The following ZNF385D variants were observed in gnomAD, a reference collection of about 807,000 sequenced individuals.
The protein encoded by ZNF385D is zinc finger protein 659.
A neutral mutation model predicts 35.8 loss-of-function variants in ZNF385D; 15 were observed. The ratio of observed to expected loss-of-function variants is 0.42; its 90% CI spans 0.28 to 0.64. ZNF385D has a LOEUF of 0.64. Ranked by LOEUF, ZNF385D falls within the 30% of genes least tolerant of loss-of-function variation. The pLI, the probability that ZNF385D is intolerant of heterozygous loss-of-function variation, is 0.23. For synonymous variants in ZNF385D, 212 were observed against 186.8 expected (o/e 1.13, Z -1.10); for missense variants, 474 against 494.6 (o/e 0.96, Z 0.39).
chr3:21,823,364 T>A (rs1315673473), intron 3 of ZNF385D, among the ~76,000 whole-genome samples: 2 of 152,172 alleles, frequency 1.3e-5, no homozygotes, highest in Non-Finnish European at 2.9e-5. Flanking sequence ...GTTATTTGTA[T>A]CCTAAACACT....
chr3:21,719,464 T>C (rs1027136431), intron 1 of ZNF385D, among the ~76,000 whole-genome samples: 2 of 152,190 alleles, frequency 1.3e-5, no homozygotes, highest in East Asian at 1.9e-4. Flanking sequence ...GTATCTCCAG[T>C]AGGGAATTTC....
intron 3 of ZNF385D, among the ~76,000 whole-genome samples, chr3:22,158,541 C>G (rs113714710): frequency 0.012 from 1,820 of 152,098 alleles, 16 homozygotes; most frequent in Middle Eastern, 0.02. Flanking sequence ...ATTTTGGAAG[C>G]AAGGAAAGAG....
intron 1 of ZNF385D, among the ~76,000 whole-genome samples, chr3:21,740,738 C>T (rs1298175597): frequency 1.3e-5 from 2 of 152,140 alleles, no homozygotes; most frequent in South Asian, 4.1e-4. Context: ...CCAACTGCTG[C>T]CTAGGTGACC....
intron 4 of ZNF385D, among the ~76,000 whole-genome samples, chr3:21,474,351 A>G (rs1187373419): frequency 6.6e-6 from 1 of 152,138 alleles, no homozygotes; most frequent in East Asian, 1.9e-4. Flanking sequence ...ATGTGTCTAT[A>G]CTGTTGCATT....
At chr3:21,570,617 T>C (rs780481914) in intron 2 of ZNF385D, among the ~76,000 whole-genome samples, 13 of 152,314 alleles carry the variant, frequency 8.5e-5, no homozygotes, top group Non-Finnish European at 1.5e-4. Context: ...ACAATAACTT[T>C]AAAGGTTACA....
intron 2 of ZNF385D, among the ~76,000 whole-genome samples, chr3:22,310,625 T>C (rs1387466697): frequency 1.3e-5 from 2 of 151,966 alleles, no homozygotes; most frequent in Admixed American, 6.6e-5. Context: ...TTTACCCTTA[T>C]GTTGCTTTCT....
intron 2 of ZNF385D, among the ~76,000 whole-genome samples, chr3:21,599,851 A>G (rs563534459): frequency 1.3e-4 from 20 of 152,300 alleles, no homozygotes; most frequent in African/African-American, 4.3e-4. Flanking sequence ...ATCATCTTGA[A>G]TATGAGCTGG....
intron 2 of ZNF385D, among the ~76,000 whole-genome samples, chr3:22,225,825 T>C (rs1437589075): frequency 6.6e-6 from 1 of 152,232 alleles, no homozygotes; most frequent in African/African-American, 2.4e-5. Context: ...ATTTGCTAGA[T>C]TTATACAAAT....
At chr3:21,466,858 A>T (rs142554551) in intron 4 of ZNF385D, among the ~76,000 whole-genome samples, 13 of 152,296 alleles carry the variant, frequency 8.5e-5, no homozygotes, top group African/African-American at 3.1e-4. Context: ...GAGAGTATCT[A>T]TTACTGCCCC....
intron 3 of ZNF385D, among the ~76,000 whole-genome samples, chr3:21,844,666 G>T (rs113015923): frequency 3.7e-4 from 57 of 152,018 alleles, no homozygotes; most frequent in African/African-American, 1.2e-3. Flanking sequence ...AGTTCACCTG[G>T]TGCAAGATGC....
At chr3:22,257,547 T>C (rs1276621054) in intron 2 of ZNF385D, among the ~76,000 whole-genome samples, 1 of 151,852 alleles carries the variant, frequency 6.6e-6, no homozygotes, top group Non-Finnish European at 1.5e-5. Context: ...CAGAATTTCA[T>C]ACGTGGTTTT....
intron 3 of ZNF385D, among the ~76,000 whole-genome samples, chr3:22,003,435 C>T (rs186226341): frequency 7.6e-4 from 116 of 152,242 alleles, no homozygotes; most frequent in African/African-American, 2.7e-3. Context: ...AGGACACTAA[C>T]AGATGGAAAG....
chr3:22,366,798 A>G (rs1696677743), intron 2 of ZNF385D, among the ~76,000 whole-genome samples: 1 of 152,206 alleles, frequency 6.6e-6, no homozygotes, highest in South Asian at 2.1e-4. Context: ...TTATAAGGGT[A>G]GGCTTTAAAT....
chr3:21,958,176 T>A (rs188480326), intron 3 of ZNF385D, among the ~76,000 whole-genome samples: 220 of 152,312 alleles, frequency 1.4e-3, no homozygotes, highest in African/African-American at 5.0e-3. Flanking sequence ...GTAGATCATA[T>A]TCTATCGTTT....
At chr3:22,024,337 G>A (rs1373217558) in intron 3 of ZNF385D, among the ~76,000 whole-genome samples, 1 of 151,958 alleles carries the variant, frequency 6.6e-6, no homozygotes, top group Non-Finnish European at 1.5e-5. Context: ...GTGTATGATA[G>A]GATACCTATA....
chr3:22,219,095 G>A (rs1698079978), intron 2 of ZNF385D, among the ~76,000 whole-genome samples: 1 of 152,028 alleles, frequency 6.6e-6, no homozygotes, highest in African/African-American at 2.4e-5. Flanking sequence ...TAAACTCTAT[G>A]GTGACGATCT....
At chr3:21,661,920 G>C (rs1004322508) in intron 2 of ZNF385D, among the ~76,000 whole-genome samples, 3 of 152,096 alleles carry the variant, frequency 2.0e-5, no homozygotes, top group Admixed American at 6.6e-5. Context: ...AATAATAAGA[G>C]ATATCCACTT....
At chr3:21,567,587 A>G (rs972696444) in intron 2 of ZNF385D, among the ~76,000 whole-genome samples, 12 of 152,274 alleles carry the variant, frequency 7.9e-5, no homozygotes, top group Non-Finnish European at 1.2e-4. Flanking sequence ...AATTAAAAGC[A>G]GAAAGAGGTC....
chr3:22,044,616 G>C (rs1361497614), intron 3 of ZNF385D, among the ~76,000 whole-genome samples: 1 of 151,984 alleles, frequency 6.6e-6, no homozygotes, highest in Non-Finnish European at 1.5e-5. Context: ...GATGAATTTT[G>C]GAGTAAAGGT....
Sources: allele counts gnomAD v4.1 joint callset (sites outside exome capture counted in the v4.1 genomes callset), GRCh38; gene constraint gnomAD v4.1.1; transcripts MANE v1.5; gene names NCBI Gene and HGNC (gene_info 2026-07-23, HGNC 2026-07-21).